Variants in CNTN5 observed in about 807,000 individuals in gnomAD.
The protein encoded by CNTN5 is contactin 5, also known as contactin-5.
CNTN5 carries 77 observed loss-of-function variants against 129.1 expected under a neutral mutation model. That is an observed-to-expected ratio of 0.60 (90% CI 0.50 to 0.72). CNTN5 has a LOEUF of 0.72. Among genes scored for constraint, CNTN5 ranks in the 30% least tolerant of loss-of-function variants. The pLI is 0.00. For missense variants in CNTN5, 1,478 were observed against 1,328.8 expected, an observed-to-expected ratio of 1.11 and a Z score of -1.75; for synonymous variants, 509 against 465.6, an observed-to-expected ratio of 1.09 and a Z score of -1.20.
At chr11:99,191,229 A>G (rs1346042498) in intron 1 of CNTN5, among the ~76,000 whole-genome samples, 4 of 151,738 alleles carry the variant, frequency 2.6e-5, no homozygotes, top group Non-Finnish European at 5.9e-5. Context: ...ATGTACTGTT[A>G]AATTCAGTGA....
At chr11:100,148,707 C>CAGAT (rs1209454131) in intron 13 of CNTN5, among the ~76,000 whole-genome samples, 2 of 98,882 alleles carry the variant, frequency 2.0e-5, no homozygotes, top group East Asian at 3.8e-4. Flanking sequence ...AATTACAGGT[C>CAGAT]AGATAGATAT....
intron 1 of CNTN5, among the ~76,000 whole-genome samples, chr11:99,300,079 A>G (rs932994679): frequency 6.6e-6 from 1 of 151,946 alleles, no homozygotes; most frequent in Non-Finnish European, 1.5e-5. Flanking sequence ...CTTTTTAATA[A>G]TAGTTATTCT....
chr11:99,926,595 T>C (rs2060942), intron 7 of CNTN5, among the ~76,000 whole-genome samples: 71,705 of 151,826 alleles, frequency 0.47, 17,470 homozygotes, highest in Non-Finnish European at 0.53. Context: ...GACAAGACTT[T>C]TTTGGCATCT....
At chr11:99,478,308 T>G (rs1402419771) in intron 2 of CNTN5, among the ~76,000 whole-genome samples, 2 of 152,122 alleles carry the variant, frequency 1.3e-5, no homozygotes, top group Non-Finnish European at 2.9e-5. Context: ...CAGTTTCTTT[T>G]GGGTTGCTGG....
intron 1 of CNTN5, among the ~76,000 whole-genome samples, chr11:99,086,346 TGG>T (rs1866004767): frequency 6.6e-6 from 1 of 152,138 alleles, no homozygotes; most frequent in African/African-American, 2.4e-5. Flanking sequence ...TACCTGGAGC[TGG>T]GTAATTTATA....
At position 99,031,775 on chromosome 11, in the gene CNTN5, T is replaced by A. The variant is rs183399095; in HGVS notation, c.-210+10505T>A. Among the ~76,000 whole-genome samples, 815 of 152,028 alleles carry A rather than the reference T, an allele frequency of 5.4e-3. 2 individuals are homozygous for A. Among genetic ancestry groups the A allele is most frequent in the Non-Finnish European group, 8.6e-3 (583 of 67,950 alleles). On this transcript the variant is annotated intron_variant, in intron 1 of 24. Transcript: ENST00000524871. ...CTTAGTTTTTCTTTCTTTTTTTTTT[T>A]ATTATTATACTTTAAGTTTTAGGGT...
chr11:100,001,920 C>A, intron 8 of CNTN5, 114 bp from the exon 9 acceptor site: 1 of 724,088 alleles, frequency 1.4e-6, no homozygotes, highest in Non-Finnish European at 2.3e-6. Flanking sequence ...ATTTAACAGT[C>A]ATCAAACAGA....
chr11:99,945,191 C>T (rs1950526832), intron 7 of CNTN5, among the ~76,000 whole-genome samples: 2 of 152,042 alleles, frequency 1.3e-5, no homozygotes, highest in South Asian at 4.2e-4. Context: ...AGGCCTGTGA[C>T]CTGTATAAAG....
chr11:99,898,193 A>C (rs377723662), intron 6 of CNTN5, among the ~76,000 whole-genome samples: 1 of 152,036 alleles, frequency 6.6e-6, no homozygotes, highest in East Asian at 1.9e-4. Flanking sequence ...TCAAACCTAA[A>C]TGTAGCAGAA....
At chr11:99,231,206 C>T in intron 1 of CNTN5, among the ~76,000 whole-genome samples, 1 of 152,132 alleles carries the variant, frequency 6.6e-6, no homozygotes, top group Admixed American at 6.5e-5. Context: ...ATTTCTGGTT[C>T]TAGGTCTTTG....
intron 3 of CNTN5, among the ~76,000 whole-genome samples, chr11:99,723,996 G>T (rs1943256683): frequency 6.6e-6 from 1 of 152,056 alleles, no homozygotes; most frequent in East Asian, 1.9e-4. Flanking sequence ...CATTCTACTA[G>T]TCTGAATTCT....
intron 2 of CNTN5, among the ~76,000 whole-genome samples, 167 bp downstream of exon 2, chr11:99,325,651 C>T (rs1591525050): frequency 6.6e-6 from 1 of 152,108 alleles, no homozygotes; most frequent in Non-Finnish European, 1.5e-5. Flanking sequence ...ATTGAAAACA[C>T]CTTGATTGTG....
At position 99,233,800 on chromosome 11, in the gene CNTN5, G is replaced by T. The variant is rs542619191; in HGVS notation, c.-209-91546G>T. 6.8e-4 allele frequency among the ~76,000 whole-genome samples: 103 copies of T among 152,140 alleles called. 1 individual carries two copies. The highest frequency in any genetic ancestry group is 1.5e-3 in the Admixed American group (23 of 15,274). ...TCTCTACTAAAAATACAAAAAATTA[G>T]TCGGGCATGGTGGCAGGCACCTGTG... On this transcript the variant is annotated intron_variant, in intron 1 of 24. Coordinates refer to ENST00000524871, the MANE Select transcript of CNTN5 (RefSeq NM_014361.4).
chr11:99,971,266 C>G (rs61910573), intron 8 of CNTN5, among the ~76,000 whole-genome samples: 20,777 of 152,052 alleles, frequency 0.14, 1,524 homozygotes, highest in Middle Eastern at 0.17. Context: ...TTTACAAGAC[C>G]GGGCATGGTG....
chr11:99,151,030 T>A (rs1860026126), intron 1 of CNTN5, among the ~76,000 whole-genome samples: 2 of 152,156 alleles, frequency 1.3e-5, no homozygotes, highest in Admixed American at 1.3e-4. Flanking sequence ...AGGATGGATA[T>A]TTTTCCCTCA....
chr11:100,210,046 A>C (rs34869465), intron 15 of CNTN5, among the ~76,000 whole-genome samples: 23,804 of 151,910 alleles, frequency 0.16, 2,263 homozygotes, highest in Non-Finnish European at 0.21. Context: ...AGGTTAAAAA[A>C]ATAGTCCAGC....
At chr11:99,776,435 T>C (rs914349717) in intron 3 of CNTN5, among the ~76,000 whole-genome samples, 2 of 151,954 alleles carry the variant, frequency 1.3e-5, no homozygotes, top group African/African-American at 2.4e-5. Context: ...CCTATCATTA[T>C]CAATTTTTTT....
At chr11:99,767,333 A>G (rs528030100) in intron 3 of CNTN5, among the ~76,000 whole-genome samples, 2 of 152,230 alleles carry the variant, frequency 1.3e-5, no homozygotes, top group African/African-American at 4.8e-5. Flanking sequence ...GAACTGTGAT[A>G]GAGGAAGCAT....
chr11:99,318,417 A>T (rs1865433679), intron 1 of CNTN5, among the ~76,000 whole-genome samples: 1 of 152,212 alleles, frequency 6.6e-6, no homozygotes, highest in Non-Finnish European at 1.5e-5. Context: ...AAAATGTCAG[A>T]ATATTTTTCT....
Sources: gnomAD v4.1 joint callset for allele counts (sites outside exome capture counted in the v4.1 genomes callset) on GRCh38, gnomAD v4.1.1 for gene constraint, MANE v1.5 for transcripts, NCBI Gene and HGNC (gene_info 2026-07-23, HGNC 2026-07-21) for gene names.